Variants in C4orf33 observed in about 807,000 individuals in gnomAD.
The protein encoded by C4orf33 is chromosome 4 open reading frame 33.
Under a neutral mutation model 24.3 loss-of-function variants are expected in C4orf33, and 20 were observed. The observed-to-expected ratio is 0.82, with a 90% CI of 0.58 to 1.19. The LOEUF (loss-of-function observed/expected upper bound fraction) is 1.19. C4orf33 is among the 50% of genes most tolerant of loss of function. The probability of loss-of-function intolerance (pLI) is 0.00; values close to 1 mark genes in which losing one functional copy is unlikely to be tolerated. For synonymous variants in C4orf33, 67 were observed against 76.4 expected, an observed-to-expected ratio of 0.88 and a Z score of 0.64; for missense variants, 207 against 225.9, an observed-to-expected ratio of 0.92 and a Z score of 0.54.
At chr4:129,111,368 AT>A (rs1183869449) in intron 5 of C4orf33, among the ~76,000 whole-genome samples, 3 of 152,234 alleles carry the variant, frequency 2.0e-5, no homozygotes, top group Non-Finnish European at 2.9e-5. Context: ...ATAAAAACAT[AT>A]GCAAGAGCAT....
At chr4:129,094,617 A>C (rs755114931), upstream of C4orf33, among the ~76,000 whole-genome samples, 1 of 152,226 alleles carries the variant, frequency 6.6e-6, no homozygotes, top group Non-Finnish European at 1.5e-5. Context: ...ACTCACTGTT[A>C]ATAGAATGAG....
chr4:129,097,242 T>G (rs2125797916), intron 1 of C4orf33, among the ~76,000 whole-genome samples: 1 of 152,306 alleles, frequency 6.6e-6, no homozygotes, highest in African/African-American at 2.4e-5. Flanking sequence ...TACCTTAAAA[T>G]AGTAATGCAT....
chr4:129,094,779 G>A (rs1020855479), upstream of C4orf33, among the ~76,000 whole-genome samples: 1 of 152,100 alleles, frequency 6.6e-6, no homozygotes, highest in Admixed American at 6.5e-5. Flanking sequence ...TTGTATAAAC[G>A]TTATAGCTAA....
At chr4:129,096,389 A>G (rs918223213) in intron 1 of C4orf33, 180 bp downstream of exon 1, 9 of 152,194 alleles carry the variant, frequency 5.9e-5, no homozygotes, top group Non-Finnish European at 1.3e-4. Flanking sequence ...TCCCTGATAA[A>G]TGGGCGGGGC....
chr4:129,111,518 T>C (rs1753689818), intron 5 of C4orf33, among the ~76,000 whole-genome samples, 168 bp from the exon 6 acceptor site: 1 of 152,220 alleles, frequency 6.6e-6, no homozygotes, highest in Non-Finnish European at 1.5e-5. Flanking sequence ...GCTGAGTGTT[T>C]GACAGCTAGA....
upstream of C4orf33, among the ~76,000 whole-genome samples, chr4:129,095,746 C>T (rs2125796981): frequency 6.6e-6 from 1 of 152,254 alleles, no homozygotes; most frequent in South Asian, 2.1e-4. Flanking sequence ...GAGATTTGAA[C>T]CCAGGCAGTA....
chr4:129,093,873 A>G (rs986016654), upstream of C4orf33: 6 of 152,280 alleles, frequency 3.9e-5, no homozygotes, highest in African/African-American at 1.2e-4. Flanking sequence ...TGCCCTCACT[A>G]TCTTTGGGTT....
chr4:129,098,888 G>GT (rs397800669), intron 1 of C4orf33, among the ~76,000 whole-genome samples: 5 of 20,048 alleles, frequency 2.5e-4, no homozygotes, highest in South Asian at 5.4e-3. Flanking sequence ...ACTGTTGGGA[G>GT]TTTTTTTTTG....
At chr4:129,100,524 C>CATATCACTGG (rs200580156) in intron 1 of C4orf33, 3 of 152,128 alleles carry the variant, frequency 2.0e-5, no homozygotes, top group Admixed American at 6.5e-5. Context: ...CTTTTAGTAG[C>CATATCACTGG]ATATCACTGG....
intron 2 of C4orf33, among the ~76,000 whole-genome samples, chr4:129,104,851 A>C (rs954924325): frequency 1.3e-5 from 2 of 152,192 alleles, no homozygotes; most frequent in African/African-American, 4.8e-5. Flanking sequence ...TTGTAAGCCA[A>C]TAAAGGTATT....
intron 1 of C4orf33, among the ~76,000 whole-genome samples, chr4:129,101,926 G>C (rs1267958252): frequency 6.6e-6 from 1 of 152,044 alleles, no homozygotes; most frequent in East Asian, 1.9e-4. Flanking sequence ...TATATGCTGG[G>C]ACAAAGGAAG....
chr4:129,094,425 G>A (rs77252227), upstream of C4orf33, among the ~76,000 whole-genome samples: 26 of 152,238 alleles, frequency 1.7e-4, 1 homozygote, highest in East Asian at 4.1e-3. Flanking sequence ...CTGAAGTAAA[G>A]TTTCACTAAA....
chr4:129,107,924 C>T (rs1753565295), intron 3 of C4orf33, among the ~76,000 whole-genome samples: 2 of 151,874 alleles, frequency 1.3e-5, no homozygotes, highest in African/African-American at 4.8e-5. Flanking sequence ...TAAGAAATTA[C>T]ACAGTAATCA....
Position 129,111,692 on chromosome 4 carries a change from C to T in C4orf33, c.501C>T (p.Cys167=). ...TCTTTTTCTTTGCTTTTAGCCATTGCCTAGAATACTTCAAGTCTTTCAATT... is the reference window on the plus strand; with the variant it reads ...TCTTTTTCTTTGCTTTTAGCCATTGTCTAGAATACTTCAAGTCTTTCAATT... ...LQQGQKPDFH[C]LEYFKSFNFN... The change falls in exon 6 of 6, where the codon TGC becomes TGT. Residue 167 remains cysteine (C), a synonymous_variant. Coordinates refer to ENST00000425929, the MANE Select transcript of C4orf33 (RefSeq NM_001099783.2). The T allele has an allele frequency of 6.2e-7, 1 of 1,603,158 alleles. No homozygotes were observed. Among genetic ancestry groups the T allele is most frequent in the Non-Finnish European group, 8.5e-7 (1 of 1,171,108 alleles).
At chr4:129,100,702 G>C (rs1301425607) in intron 1 of C4orf33, 1 of 152,192 alleles carries the variant, frequency 6.6e-6, no homozygotes, top group East Asian at 1.9e-4. Context: ...TGAAGAATAA[G>C]TGAATCTACC....
At chr4:129,110,915 G>T (rs985445134) in intron 5 of C4orf33, among the ~76,000 whole-genome samples, 2 of 152,050 alleles carry the variant, frequency 1.3e-5, no homozygotes, top group Non-Finnish European at 2.9e-5. Context: ...ATCCTGGCCA[G>T]GTGGGCAGAA....
intron 2 of C4orf33, among the ~76,000 whole-genome samples, chr4:129,104,745 G>A (rs1753462907): frequency 9.2e-6 from 1 of 108,656 alleles, no homozygotes; most frequent in Non-Finnish European, 2.2e-5. Flanking sequence ...CCACTTTTTT[G>A]AGCTAAACAT....
At chr4:129,111,490 C>G (rs1317798673) in intron 5 of C4orf33, among the ~76,000 whole-genome samples, 196 bp from the exon 6 acceptor site, 2 of 152,172 alleles carry the variant, frequency 1.3e-5, no homozygotes, top group Non-Finnish European at 2.9e-5. Context: ...CTTTGAGATG[C>G]AGGTGAATGT....
chr4:129,108,727 G>A (rs891319531), intron 3 of C4orf33, among the ~76,000 whole-genome samples: 2 of 152,082 alleles, frequency 1.3e-5, no homozygotes, highest in Admixed American at 1.3e-4. Context: ...CTAACCAAAT[G>A]AAGTATTTTA....
Sources: allele counts gnomAD v4.1 joint callset (sites outside exome capture counted in the v4.1 genomes callset), GRCh38; gene constraint gnomAD v4.1.1; transcripts MANE v1.5; gene names NCBI Gene and HGNC (gene_info 2026-07-23, HGNC 2026-07-21).